ZNF43: variants seen among roughly 807,000 people sequenced by gnomAD.
ZNF43 encodes the protein zinc finger protein 43.
In ZNF43, 44 loss-of-function variants were observed where a neutral mutation model predicts 68.4. The ratio of observed to expected loss-of-function variants is 0.64; its 90% CI spans 0.51 to 0.83. ZNF43 has a LOEUF of 0.83. Among genes scored for constraint, ZNF43 ranks in the 40% least tolerant of loss-of-function variants. The pLI, the probability that ZNF43 is intolerant of heterozygous loss-of-function variation, is 0.00. For synonymous variants in ZNF43, 308 were observed against 307.8 expected (o/e 1.00, Z -0.01); for missense variants, 896 against 933.2 (o/e 0.96, Z 0.52).
At chr19:21,825,912 G>A (rs931097387) in intron 1 of ZNF43, among the ~76,000 whole-genome samples, 3 of 152,184 alleles carry the variant, frequency 2.0e-5, no homozygotes, top group African/African-American at 7.2e-5. Flanking sequence ...AGCTGGGCAT[G>A]GTGGAACTCA....
chr19:21,831,661 C>T (rs761430303), intron 1 of ZNF43, among the ~76,000 whole-genome samples: 12 of 151,934 alleles, frequency 7.9e-5, no homozygotes, highest in Non-Finnish European at 1.6e-4. Flanking sequence ...CGCCCGGCTC[C>T]AGAAAAGCTT....
rs965369782 is a variant in ZNF43, at chr19:21,836,063, C to T, written c.-25G>A. On this transcript the variant is annotated 5_prime_UTR_variant, in exon 1 of 4. Coordinates refer to ENST00000354959, the MANE Select transcript of ZNF43 (RefSeq NM_003423.4). ...TTTCTAGGCTTCCGGGGGGTCCTGG[C>T]GTCTTAGCTGTGGATCCCCCAATAC... The T allele has an allele frequency of 6.2e-7, 1 of 1,613,780 alleles. No individual in the cohort carries two copies. Among genetic ancestry groups the T allele is most frequent in the Non-Finnish European group, 8.5e-7 (1 of 1,179,752 alleles).
At chr19:21,837,415 C>A (rs1319050084), upstream of ZNF43, among the ~76,000 whole-genome samples, 2 of 83,958 alleles carry the variant, frequency 2.4e-5, no homozygotes, top group Non-Finnish European at 2.2e-5. Context: ...CCTACACTTA[C>A]TTTTTTTTTT....
intron 1 of ZNF43, among the ~76,000 whole-genome samples, chr19:21,849,716 TG>T (rs1359725339): frequency 1.3e-5 from 2 of 151,474 alleles, no homozygotes; most frequent in Non-Finnish European, 2.9e-5. Context: ...CACTCCAGCC[TG>T]GGCAACATAA....
upstream of ZNF43, among the ~76,000 whole-genome samples, chr19:21,838,399 A>ATT (rs11397819): frequency 3.8e-4 from 51 of 132,550 alleles, no homozygotes; most frequent in African/African-American, 1.2e-3. Context: ...CCCATTCTAA[A>ATT]TTTTTTTTTT....
intron 1 of ZNF43, among the ~76,000 whole-genome samples, chr19:21,845,968 T>C (rs1207048702): frequency 6.6e-6 from 1 of 150,552 alleles, no homozygotes; most frequent in Non-Finnish European, 1.5e-5. Context: ...CAGTGATACA[T>C]CTAAATCTTT....
upstream of ZNF43, chr19:21,840,219 G>A (rs939441847): frequency 2.0e-5 from 3 of 152,232 alleles, no homozygotes; most frequent in Non-Finnish European, 2.9e-5. Context: ...GGGCAGTGCT[G>A]AGGCAAAAGT....
intron 1 of ZNF43, among the ~76,000 whole-genome samples, chr19:21,826,298 TTA>T (rs146680590): frequency 0.033 from 4,961 of 152,272 alleles, 118 homozygotes; most frequent in African/African-American, 0.076. Flanking sequence ...TGTGTTTATA[TTA>T]TGTCTGGTAA....
chr19:21,844,231 C>T (rs1967744996), intron 1 of ZNF43, among the ~76,000 whole-genome samples: 1 of 151,550 alleles, frequency 6.6e-6, no homozygotes, highest in Non-Finnish European at 1.5e-5. Flanking sequence ...CCGGGCATAT[C>T]CCAGCTGCTC....
At chr19:21,823,261 T>C (rs562365601) in intron 1 of ZNF43, among the ~76,000 whole-genome samples, 1 of 152,302 alleles carries the variant, frequency 6.6e-6, no homozygotes, top group Middle Eastern at 3.4e-3. Context: ...ATCTATTTTT[T>C]TAATGGCCAT....
intron 1 of ZNF43, among the ~76,000 whole-genome samples, chr19:21,849,188 T>C (rs1968161918): frequency 6.6e-6 from 1 of 152,072 alleles, no homozygotes; most frequent in Non-Finnish European, 1.5e-5. Flanking sequence ...TTATATAGTA[T>C]TCAAAACAGT....
In ZNF43 at chr19:21,836,096, T is replaced by C. The variant is rs202155790; in HGVS notation, c.-58A>G. The C allele has an allele frequency of 3.1e-6, 5 of 1,612,188 alleles. No individual in the cohort carries two copies. Among genetic ancestry groups the C allele is most frequent in the Non-Finnish European group, 4.2e-6 (5 of 1,178,882 alleles). On this transcript the variant is annotated 5_prime_UTR_variant, in exon 1 of 4. Coordinates refer to ENST00000354959, the MANE Select transcript of ZNF43 (RefSeq NM_003423.4). ...CTGTGGATCCCCCAATACCCGCAGG[T>C]CACAGAGCCACAGAGGCTGGACCTC... is the stretch of plus-strand genomic sequence containing the variant.
chr19:21,836,009 C>A (rs1432977212), intron 1 of ZNF43, 27 bp downstream of exon 1: 1 of 1,613,914 alleles, frequency 6.2e-7, no homozygotes. Context: ...CCTTCCCCCT[C>A]TCGGGATGTC....
chr19:21,832,000 C>T (rs966242653), intron 1 of ZNF43, among the ~76,000 whole-genome samples: 5 of 152,112 alleles, frequency 3.3e-5, no homozygotes, highest in Non-Finnish European at 5.9e-5. Context: ...GCCAAACTAC[C>T]AAAAACATTC....
At chr19:21,816,383 A>G (rs2037530156) in intron 3 of ZNF43, among the ~76,000 whole-genome samples, 1 of 152,160 alleles carries the variant, frequency 6.6e-6, no homozygotes, top group Non-Finnish European at 1.5e-5. Flanking sequence ...GGCAGTTGTA[A>G]AACTCACATA....
intron 1 of ZNF43, among the ~76,000 whole-genome samples, chr19:21,841,961 C>G (rs1388842055): frequency 6.6e-6 from 1 of 152,168 alleles, no homozygotes. Context: ...GGTCCAACAA[C>G]TAGGTGATGT....
In ZNF43 at chr19:21,808,009, T is replaced by C. The variant is rs1166459561; in HGVS notation, c.2028A>G (p.Lys676=). ...TKHKIIHTGE[K]PYKCEECGKA... Reference sequence around the variant, plus strand: ...TGCCACATTCTTCACATTTGTAGGGTTTCTCTCCAGTATGAATTATCTTAT... The same window carrying C: ...TGCCACATTCTTCACATTTGTAGGGCTTCTCTCCAGTATGAATTATCTTAT... Residue 676 remains lysine (K), a synonymous_variant, in exon 4 of 4, where the codon AAA becomes AAG. Coordinates refer to ENST00000354959, the MANE Select transcript of ZNF43 (RefSeq NM_003423.4). The C allele has an allele frequency of 1.9e-6, 3 of 1,612,770 alleles. No individual in the cohort carries two copies. The African/African-American group carries it at 4.0e-5, about 22-fold the overall frequency.
At chr19:21,826,123 A>C (rs531041419) in intron 1 of ZNF43, among the ~76,000 whole-genome samples, 9 of 152,324 alleles carry the variant, frequency 5.9e-5, no homozygotes, top group Admixed American at 2.0e-4. Flanking sequence ...AATTTTGTCT[A>C]TCCTTTCTAG....
intron 1 of ZNF43, among the ~76,000 whole-genome samples, chr19:21,842,709 T>C (rs1407937287): frequency 1.3e-5 from 2 of 152,292 alleles, no homozygotes; most frequent in South Asian, 2.1e-4. Context: ...ATTCAGATTA[T>C]GTAGATCCTG....
Sources: allele counts gnomAD v4.1 joint callset (sites outside exome capture counted in the v4.1 genomes callset), GRCh38; gene constraint gnomAD v4.1.1; transcripts MANE v1.5; gene names NCBI Gene and HGNC (gene_info 2026-07-23, HGNC 2026-07-21).